The following RYR2 variants were observed in gnomAD, a reference collection of about 807,000 sequenced individuals.
The protein encoded by RYR2 is ryanodine receptor 2.
A neutral mutation model predicts 601.1 loss-of-function variants in RYR2; 227 were observed. The ratio of observed to expected loss-of-function variants is 0.38; its 90% confidence interval spans 0.34 to 0.42. RYR2 has a LOEUF of 0.42. RYR2 is among the 10% of genes least tolerant of loss of function. The pLI is 1.00. For synonymous variants in RYR2, 2,223 were observed against 2,175.1 expected, an observed-to-expected ratio of 1.02 and a Z score of -0.61; for missense variants, 4,646 against 6,156.5, an observed-to-expected ratio of 0.75 and a Z score of 8.21.
chr1:237,063,222 T>A (rs1012950969), intron 1 of RYR2, among the ~76,000 whole-genome samples: 12 of 152,230 alleles, frequency 7.9e-5, no homozygotes, highest in African/African-American at 2.9e-4. Flanking sequence ...ATGCTGGCTC[T>A]CTAATCTCAC....
At chr1:237,348,102 G>A (rs985160192) in intron 3 of RYR2, among the ~76,000 whole-genome samples, 3 of 152,122 alleles carry the variant, frequency 2.0e-5, no homozygotes, top group African/African-American at 7.2e-5. Context: ...GAGAAATAAG[G>A]CTTACACTCT....
chr1:237,249,885 G>A (rs1687275482), intron 1 of RYR2, among the ~76,000 whole-genome samples: 1 of 152,150 alleles, frequency 6.6e-6, no homozygotes, highest in South Asian at 2.1e-4. Context: ...AAGACATGAG[G>A]CTCATTCTTG....
At position 237,565,190 on chromosome 1, in the gene RYR2, TCTTTC is replaced by T. The variant is rs1306029927; in HGVS notation, c.3215-1376_3215-1372del. ...TTCTTTCTTTCTTTCTTTCTTTCTT[TCTTTC>T]TTTCTTTCTTTCTTTCTTTCTTTCT... On this transcript the variant is annotated intron_variant, in intron 27 of 104. Transcript: ENST00000366574. Among the ~76,000 whole-genome samples, 234 of 88,088 alleles carry T rather than the reference TCTTTC, an allele frequency of 2.7e-3. 1 individual carries two copies. The highest frequency in any genetic ancestry group is 7.9e-3 in the African/African-American group (220 of 27,752). The allele number at this position is 88,088 out of a possible 152,430, so 57.8% of individuals were successfully genotyped here.
chr1:237,281,016 C>G (rs1302562443), intron 2 of RYR2, among the ~76,000 whole-genome samples: 1 of 151,950 alleles, frequency 6.6e-6, no homozygotes, highest in Non-Finnish European at 1.5e-5. Flanking sequence ...AACTCCTGAC[C>G]TTAGGTGATC....
At chr1:237,423,329 G>C in intron 12 of RYR2, 81 bp downstream of exon 12, 1 of 1,439,962 alleles carries the variant, frequency 6.9e-7, no homozygotes, top group East Asian at 2.4e-5. Context: ...GAAAAGAAAT[G>C]AGAAAATAAA....
In RYR2 at chr1:237,610,944, G is replaced by C. The variant is rs1485486192; in HGVS notation, c.4866G>C (p.Leu1622Phe). ...GCCAAGGCTGGTTGGTGCAGTGTTT[G>C]GATCCTCTGCAGTTCATGTCTCTTC... ...SERQGWLVQC[L>F]DPLQFMSLHI... is the part of the protein sequence containing the mutation. Residue 1622 changes from leucine (L) to phenylalanine (F), a missense_variant, in exon 36 of 105, where the codon TTG becomes TTC. Physicochemically the swap from Leu to Phe is conservative, Grantham distance 22. Coordinates refer to ENST00000366574, the MANE Select transcript of RYR2 (RefSeq NM_001035.3). The surrounding 1 kb of genome is among the most constrained non-coding windows in gnomAD (Gnocchi z 4.9). 2 of 1,613,456 alleles carry C rather than the reference G, an allele frequency of 1.2e-6. No individual in the cohort carries two copies. Among genetic ancestry groups the C allele is most frequent in the Non-Finnish European group, 1.7e-6 (2 of 1,179,706 alleles).
At chr1:237,773,352 G>T (rs1320104834) in intron 86 of RYR2, among the ~76,000 whole-genome samples, 168 bp from the exon 87 acceptor site, 3 of 152,112 alleles carry the variant, frequency 2.0e-5, no homozygotes, top group Non-Finnish European at 4.4e-5. Flanking sequence ...TTCACATATT[G>T]TATGTTTAGG....
At position 237,566,590 on chromosome 1, in the gene RYR2, G is replaced by A. The variant is rs727504969; in HGVS notation, c.3238G>A (p.Gly1080Ser). The A allele has an allele frequency of 8.1e-6, 13 of 1,613,774 alleles. No individual in the cohort carries two copies. In the Admixed American group the frequency reaches 1.2e-4, roughly 14 times the overall value. ...DHAARAEVCSGTGERFRIFRA... is the reference protein window; with the variant it reads ...DHAARAEVCSSTGERFRIFRA... ...AGCAGCCAGAGCCGAAGTGTGCAGCGGCACCGGGGAAAGGTTCCGAATCTT... is the reference window on the plus strand; with the variant it reads ...AGCAGCCAGAGCCGAAGTGTGCAGCAGCACCGGGGAAAGGTTCCGAATCTT... Residue 1080 changes from glycine to serine, a missense_variant, in exon 28 of 105, where the codon GGC becomes AGC. By Grantham distance (56) the Gly-to-Ser change is moderately conservative. Around this residue, in one of 17 missense-constraint regions of RYR2, gnomAD observed 1,807 missense variants for 2,088.1 expected, o/e 0.87. Transcript: ENST00000366574.
At chr1:237,762,897 T>C (rs1693542434) in intron 84 of RYR2, among the ~76,000 whole-genome samples, 1 of 152,232 alleles carries the variant, frequency 6.6e-6, no homozygotes, top group Non-Finnish European at 1.5e-5. Context: ...TCCTCAGTCA[T>C]CACTCATGAG....
chr1:237,756,895 T>G (rs1693004267), intron 81 of RYR2, among the ~76,000 whole-genome samples: 1 of 152,246 alleles, frequency 6.6e-6, no homozygotes, highest in South Asian at 2.1e-4. Flanking sequence ...TATGGTATTT[T>G]GCCATAGTTT....
chr1:237,151,568 T>C (rs1451926212), intron 1 of RYR2, among the ~76,000 whole-genome samples: 1 of 152,224 alleles, frequency 6.6e-6, no homozygotes, highest in East Asian at 1.9e-4. Context: ...CTACTTGGAA[T>C]CTATCTGTAT....
At chr1:237,676,973 T>C (rs1685454693) in intron 60 of RYR2, among the ~76,000 whole-genome samples, 2 of 152,180 alleles carry the variant, frequency 1.3e-5, no homozygotes, top group Admixed American at 6.6e-5. Flanking sequence ...CATAATGTGC[T>C]TAAGAGAGAT....
rs1558243989 is a variant in RYR2, at chr1:237,106,933, GC to G, written c.48+64366del. 6.6e-6 allele frequency among the ~76,000 whole-genome samples: 1 copy of G among 152,102 alleles called. No homozygotes were observed. Among genetic ancestry groups the G allele is most frequent in the South Asian group, 2.1e-4 (1 of 4,822 alleles). On this transcript the variant is annotated intron_variant, in intron 1 of 104. Transcript: ENST00000366574. The surrounding 1 kb of genome is among the most constrained non-coding windows in gnomAD (Gnocchi z 4.4). ...GGCAGTAATCACCTCCCAAGGCCCC[GC>G]CTCCTAATGCCATTACATTTGGGGT... is the stretch of plus-strand genomic sequence containing the variant.
intron 25 of RYR2, among the ~76,000 whole-genome samples, chr1:237,542,656 G>A (rs547466727): frequency 7.9e-5 from 12 of 152,048 alleles, no homozygotes; most frequent in Non-Finnish European, 1.8e-4. Context: ...GTTCCTTCTC[G>A]TGCCTCATCC....
rs1246227569 is a variant in RYR2, at chr1:237,332,596, A to G, written c.273+1614A>G. Among the ~76,000 whole-genome samples, 3 of 152,170 alleles carry G rather than the reference A, an allele frequency of 2.0e-5. No homozygotes were observed. In the East Asian group the frequency reaches 5.8e-4, roughly 29 times the overall value. ...TGAGTCATATCAACTTTGATATGCAAATCAGCTTTTATAAAGAAAGATCAT... is the reference window on the plus strand; with the variant it reads ...TGAGTCATATCAACTTTGATATGCAGATCAGCTTTTATAAAGAAAGATCAT... On this transcript the variant is annotated intron_variant, in intron 3 of 104. Coordinates refer to ENST00000366574, the MANE Select transcript of RYR2 (RefSeq NM_001035.3).
intron 35 of RYR2, among the ~76,000 whole-genome samples, chr1:237,609,159 T>C (rs1677512757): frequency 1.9e-5 from 2 of 106,734 alleles, no homozygotes; most frequent in Non-Finnish European, 4.4e-5. Context: ...TTTTTCTCTT[T>C]CTCTCTCCTT....
chr1:237,263,319 C>A (rs1228851743), intron 1 of RYR2, among the ~76,000 whole-genome samples: 1 of 152,170 alleles, frequency 6.6e-6, no homozygotes, highest in East Asian at 1.9e-4. Flanking sequence ...TTGTGATAAG[C>A]AATCACTTAT....
At chr1:237,599,204 G>T (rs1317480952) in intron 34 of RYR2, among the ~76,000 whole-genome samples, 1 of 151,924 alleles carries the variant, frequency 6.6e-6, no homozygotes, top group African/African-American at 2.4e-5. Context: ...TTTTTTCTAA[G>T]GTCTGGAACA....
chr1:237,278,030 T>C (rs1690463492), intron 2 of RYR2, among the ~76,000 whole-genome samples: 1 of 152,060 alleles, frequency 6.6e-6, no homozygotes, highest in African/African-American at 2.4e-5. Flanking sequence ...ATCATAGATT[T>C]GAAGTGCTGT....
Sources: allele counts gnomAD v4.1 joint callset (sites outside exome capture counted in the v4.1 genomes callset), GRCh38; gene constraint gnomAD v4.1.1; regional missense constraint gnomAD v4.1.1; non-coding constraint Gnocchi (gnomAD v3.1); transcripts MANE v1.5; gene names NCBI Gene and HGNC (gene_info 2026-07-23, HGNC 2026-07-21).